CEP135: variants seen among roughly 807,000 people sequenced by gnomAD.
The protein encoded by CEP135 is centrosomal protein 135.
CEP135 carries 142 observed loss-of-function variants against 157.3 expected under a neutral mutation model. The observed-to-expected ratio is 0.90, with a 90% CI of 0.79 to 1.04. The LOEUF is 1.04. Ranked by LOEUF, CEP135 falls within the 50% of genes least tolerant of loss-of-function variation. The pLI is 0.00. For synonymous variants in CEP135, 396 were observed against 439.8 expected (o/e 0.90, Z 1.25); for missense variants, 1,317 against 1,309.2 (o/e 1.01, Z -0.09).
chr4:55,959,666 T>C lies in CEP135; in HGVS notation c.615-16T>C. On this transcript the variant is annotated splice_polypyrimidine_tract_variant and intron_variant, in intron 5 of 25. Transcript: ENST00000257287. Reference sequence around the variant, plus strand: ...TTAACAAAAGTGTATTGGCATTAATTTAAAGTGCTTTTCAGGATTCAAGAA... The same window carrying C: ...TTAACAAAAGTGTATTGGCATTAATCTAAAGTGCTTTTCAGGATTCAAGAA... 6.2e-7 allele frequency: 1 copy of C among 1,608,412 alleles called. No individual in the cohort carries two copies. Among genetic ancestry groups the C allele is most frequent in the Non-Finnish European group, 8.5e-7 (1 of 1,174,988 alleles).
chr4:56,011,836 A>G lies in CEP135; in HGVS notation c.2653A>G (p.Met885Val). 6.3e-7 allele frequency: 1 copy of G among 1,582,886 alleles called. No individual in the cohort carries two copies. The highest frequency in any genetic ancestry group is 1.2e-5 in the South Asian group (1 of 85,462). Residue 885 changes from methionine to valine, a missense_variant, in exon 21 of 26, where the codon ATG becomes GTG. Transcript: ENST00000257287. ...TCAAGATTTGTTAGATAGATTTCAG[A>G]TGCTTCATAACCGTGCTGAAGACTG... ...ENQDLLDRFQ[M>V]LHNRAEDWEV...
intron 11 of CEP135, among the ~76,000 whole-genome samples, chr4:55,978,252 C>T (rs1729287893): frequency 6.6e-6 from 1 of 152,094 alleles, no homozygotes; most frequent in Non-Finnish European, 1.5e-5. Flanking sequence ...GACCAGGTTC[C>T]TACTGTGGCC....
intron 15 of CEP135, among the ~76,000 whole-genome samples, chr4:55,995,916 C>G (rs1463216535): frequency 1.3e-5 from 2 of 152,126 alleles, no homozygotes; most frequent in African/African-American, 4.8e-5. Flanking sequence ...TCACCTTAGT[C>G]TTTATCTGTG....
intron 25 of CEP135, among the ~76,000 whole-genome samples, 154 bp from the exon 26 acceptor site, chr4:56,031,206 C>T (rs1294048276): frequency 6.6e-6 from 1 of 152,076 alleles, no homozygotes; most frequent in Non-Finnish European, 1.5e-5. Flanking sequence ...AGAAGTAGAA[C>T]AGTACTTCTT....
chr4:55,984,736 T>C (rs375191061), intron 13 of CEP135, among the ~76,000 whole-genome samples: 2 of 152,252 alleles, frequency 1.3e-5, no homozygotes, highest in African/African-American at 4.8e-5. Context: ...CACCAAGTTA[T>C]ATTGCTTATC....
chr4:56,029,928 T>C (rs1463036639), intron 25 of CEP135, among the ~76,000 whole-genome samples: 2 of 152,230 alleles, frequency 1.3e-5, no homozygotes, highest in African/African-American at 4.8e-5. Context: ...TGCTATAGAC[T>C]TTATAAACAC....
At position 55,974,919 on chromosome 4, in the gene CEP135, A is replaced by G. The variant is rs757012540; in HGVS notation, c.1423A>G (p.Thr475Ala). 5 of 1,612,424 alleles carry G rather than the reference A, an allele frequency of 3.1e-6. No homozygotes were observed. Among genetic ancestry groups the G allele is most frequent in the Non-Finnish European group, 3.4e-6 (4 of 1,179,160 alleles). Residue 475 changes from threonine (T) to alanine (A), a missense_variant, in exon 11 of 26, where the codon ACA (threonine) becomes GCA (alanine). Coordinates refer to ENST00000257287, the MANE Select transcript of CEP135 (RefSeq NM_025009.5). Reference sequence around the variant, plus strand: ...TATAATACAGCGAAGATCTTGCTCTACAAGTTATAGCGCACGTGAAAAAAG... The same window carrying G: ...TATAATACAGCGAAGATCTTGCTCTGCAAGTTATAGCGCACGTGAAAAAAG... ...QHIIQRRSCS[T>A]SYSAREKSSI...
intron 14 of CEP135, among the ~76,000 whole-genome samples, chr4:55,987,291 G>A (rs1038584833): frequency 1.3e-5 from 2 of 152,096 alleles, no homozygotes; most frequent in African/African-American, 4.8e-5. Context: ...CCCTGGCCTT[G>A]GGTAGTTTAC....
At chr4:55,986,334 G>C (rs77215516) in intron 14 of CEP135, among the ~76,000 whole-genome samples, 3,715 of 152,228 alleles carry the variant, frequency 0.024, 67 homozygotes, top group Admixed American at 0.059. Flanking sequence ...TTGAGCCCAA[G>C]ATTTTGAGAC....
chr4:55,954,133 G>GA lies in CEP135; in HGVS notation c.305-82dup, dbSNP rs1002687275. 4.7e-5 allele frequency: 59 copies of GA among 1,265,392 alleles called. No homozygotes were observed. The African/African-American group carries it at 7.6e-4, about 16-fold the overall frequency. 78.4% of individuals were successfully genotyped at this position (1,265,392 alleles called of 1,614,324 possible). A position where few individuals can be genotyped will look rare whatever the true frequency, so the allele number is the denominator to read the frequency against. ...CAGGTGGAGACTTTTAAATTGATAT[G>GA]ACTTTTTGTATTTTGTGAAATGGAA... is the stretch of plus-strand genomic sequence containing the variant. On this transcript the variant is annotated intron_variant, in intron 3 of 25. Coordinates refer to ENST00000257287, the MANE Select transcript of CEP135 (RefSeq NM_025009.5).
chr4:55,991,794 G>A, intron 14 of CEP135, 140 bp from the exon 15 acceptor site: 2 of 547,196 alleles, frequency 3.7e-6, no homozygotes, highest in East Asian at 6.9e-5. Context: ...AACCTAAACT[G>A]TACACATGAC....
At chr4:55,953,376 A>G (rs1728418148) in intron 3 of CEP135, 101 bp downstream of exon 3, 2 of 870,308 alleles carry the variant, frequency 2.3e-6, no homozygotes, top group Non-Finnish European at 1.7e-6. Context: ...ATTAGAAAAT[A>G]TAGTAGTCCT....
chr4:56,003,860 A>G (rs2109720325), intron 17 of CEP135, among the ~76,000 whole-genome samples: 1 of 152,076 alleles, frequency 6.6e-6, no homozygotes, highest in South Asian at 2.1e-4. Context: ...AGCTGGTACT[A>G]CAGACGTGTA....
At chr4:56,010,371 A>G (rs1207567632) in intron 19 of CEP135, among the ~76,000 whole-genome samples, 29 of 151,910 alleles carry the variant, frequency 1.9e-4, no homozygotes, top group Admixed American at 1.9e-3. Flanking sequence ...AAAAAAAAAA[A>G]AAAAAAATGG....
At chr4:55,989,221 T>C (rs1729706601) in intron 14 of CEP135, among the ~76,000 whole-genome samples, 1 of 152,192 alleles carries the variant, frequency 6.6e-6, no homozygotes, top group African/African-American at 2.4e-5. Flanking sequence ...GTTCAAGATA[T>C]TACTACATTT....
intron 4 of CEP135, among the ~76,000 whole-genome samples, chr4:55,955,818 C>T (rs1246016314): frequency 6.6e-6 from 1 of 152,100 alleles, no homozygotes; most frequent in Admixed American, 6.5e-5. Context: ...GTATGCTATA[C>T]CCACAAGACA....
At chr4:56,006,890 G>GTTGTTT (rs369148786) in intron 17 of CEP135, among the ~76,000 whole-genome samples, 3 of 151,822 alleles carry the variant, frequency 2.0e-5, no homozygotes, top group Non-Finnish European at 4.4e-5. Context: ...GTTTTTTGTT[G>GTTGTTT]TTGTTTTTGT....
chr4:56,009,889 G>T lies in CEP135; in HGVS notation c.2491G>T (p.Ala831Ser). Residue 831 changes from alanine (A) to serine (S), a missense_variant, in exon 19 of 26, where the codon GCA becomes TCA. Coordinates refer to ENST00000257287, the MANE Select transcript of CEP135 (RefSeq NM_025009.5). Reference protein sequence around the residue: ...RRLQDDLATMARENQEISLEL... With the variant: ...RRLQDDLATMSRENQEISLEL... ...ACTGCAAGATGACCTGGCTACAATG[G>T]CAAGAGAAAATCAAGTATGAACACA... The T allele has an allele frequency of 1.9e-6, 3 of 1,612,900 alleles. No homozygotes were observed. Among genetic ancestry groups the T allele is most frequent in the Non-Finnish European group, 2.5e-6 (3 of 1,179,744 alleles).
chr4:55,961,759 C>CT (rs1482357352), intron 6 of CEP135, among the ~76,000 whole-genome samples: 28 of 80,082 alleles, frequency 3.5e-4, no homozygotes, highest in African/African-American at 1.1e-3. Flanking sequence ...AGCGAAAACT[C>CT]TGTCTAAAAA....
Sources: gnomAD v4.1 joint callset for allele counts (sites outside exome capture counted in the v4.1 genomes callset) on GRCh38, gnomAD v4.1.1 for gene constraint, MANE v1.5 for transcripts, NCBI Gene and HGNC (gene_info 2026-07-23, HGNC 2026-07-21) for gene names.